The following ATXN7 variants were observed in gnomAD, a reference collection of about 807,000 sequenced individuals.
ATXN7 encodes the protein ataxin-7.
A neutral mutation model predicts 70.5 loss-of-function variants in ATXN7; 12 were observed. The observed-to-expected ratio is 0.17, with a 90% confidence interval of 0.11 to 0.28. The LOEUF (loss-of-function observed/expected upper bound fraction) is 0.28, where lower values mean the gene tolerates loss of function less well. Ranked by LOEUF, ATXN7 falls within the 10% of genes least tolerant of loss-of-function variation. The probability of loss-of-function intolerance (pLI) is 1.00; values close to 1 mark genes in which losing one functional copy is unlikely to be tolerated. For synonymous variants in ATXN7, 498 were observed against 448.7 expected (o/e 1.11, Z -1.39); for missense variants, 1,256 against 1,131.7 (o/e 1.11, Z -1.58).
chr3:63,904,451 C>G (rs1373660364), intron 2 of ATXN7: 1 of 152,106 alleles, frequency 6.6e-6, no homozygotes, highest in Non-Finnish European at 1.5e-5. Context: ...CACCACCATG[C>G]CCAGCTAATT....
At chr3:63,988,415 CAT>C in intron 9 of ATXN7, 91 bp downstream of exon 9, 1 of 1,496,614 alleles carries the variant, frequency 6.7e-7, no homozygotes. Flanking sequence ...TGTTGAGAAA[CAT>C]ATCTCAGGCT....
intron 5 of ATXN7, among the ~76,000 whole-genome samples, chr3:63,962,842 A>T (rs980216579): frequency 1.3e-5 from 2 of 152,044 alleles, no homozygotes; most frequent in East Asian, 3.9e-4. Context: ...TGCTTAGCCA[A>T]ACAAATTAAG....
intron 1 of ATXN7, among the ~76,000 whole-genome samples, chr3:63,892,488 CA>C (rs1703305572): frequency 6.7e-5 from 10 of 149,994 alleles, no homozygotes; most frequent in African/African-American, 1.8e-4. Flanking sequence ...CACACACACA[CA>C]CACACCCACA....
Position 63,996,474 on chromosome 3 carries a change from C to G in ATXN7, c.2652C>G (p.Leu884=). 3 of 1,614,084 alleles carry G rather than the reference C, an allele frequency of 1.9e-6. No homozygotes were observed. The highest frequency in any genetic ancestry group is 1.7e-6 in the Non-Finnish European group (2 of 1,179,938). Residue 884 remains leucine, a synonymous_variant, in exon 12 of 13, where the codon CTC becomes CTG. Transcript: ENST00000674280. The part of the protein sequence containing the change: ...PGAQGLMNSS[L]LHQPKARP ...CACAAGGACTGATGAACAGTTCCCT[C>G]CTTCATCAGGTAGGAAATGGACTGT...
intron 5 of ATXN7, among the ~76,000 whole-genome samples, chr3:63,961,114 G>T (rs2075121989): frequency 6.6e-6 from 1 of 152,068 alleles, no homozygotes; most frequent in African/African-American, 2.4e-5. Flanking sequence ...CTTTTCAGGG[G>T]TACAGTTTGA....
intron 2 of ATXN7, chr3:63,904,614 A>G (rs1443367685): frequency 6.6e-6 from 1 of 152,266 alleles, no homozygotes; most frequent in African/African-American, 2.4e-5. Context: ...GTAGAGATAT[A>G]TCACAATTTG....
chr3:63,991,005 T>A, intron 11 of ATXN7, 146 bp downstream of exon 11: 1 of 1,182,944 alleles, frequency 8.5e-7, no homozygotes, highest in Non-Finnish European at 1.2e-6. Context: ...TTGTCATTCA[T>A]TCATTCATTT....
chr3:63,874,407 A>C (rs1189286446), intron 1 of ATXN7, among the ~76,000 whole-genome samples: 3 of 152,240 alleles, frequency 2.0e-5, no homozygotes, highest in African/African-American at 7.2e-5. Context: ...GGCAACTTAC[A>C]TTTATTTGGC....
rs558258133 is a variant in ATXN7 at position 63,960,523 on chromosome 3, A to G, written c.499+8040A>G. Among the ~76,000 whole-genome samples, 4 of 152,300 alleles carry G rather than the reference A, an allele frequency of 2.6e-5. No individual in the cohort carries two copies. In the East Asian group the frequency reaches 7.7e-4, roughly 29 times the overall value. Reference sequence around the variant, plus strand: ...AGGTGAGAGCTGGATCAGGAGAGAAAGCTTAGATTAGGATTGTAGCAGCAG... The same window carrying G: ...AGGTGAGAGCTGGATCAGGAGAGAAGGCTTAGATTAGGATTGTAGCAGCAG... On this transcript the variant is annotated intron_variant, in intron 5 of 12. Transcript: ENST00000674280.
intron 12 of ATXN7, among the ~76,000 whole-genome samples, chr3:63,997,426 GCATATGAACC>G (rs1257210128): frequency 6.6e-6 from 1 of 152,186 alleles, no homozygotes; most frequent in Non-Finnish European, 1.5e-5. Flanking sequence ...AAAGAAGTCT[GCATATGAACC>G]CATCAGTAGA....
chr3:63,996,418 C>G lies in ATXN7; in HGVS notation c.2596C>G (p.His866Asp). Residue 866 changes from histidine (H) to aspartate (D), a missense_variant, in exon 12 of 13, where the codon CAC becomes GAC. Transcript: ENST00000674280. Reference protein sequence around the residue: ...VAKVPAVNNVHMKHTGTIPGA... With the variant: ...VAKVPAVNNVDMKHTGTIPGA... ...CAAAGTGCCAGCCGTGAACAATGTC[C>G]ACATGAAACACACAGGCACCATCCC... The G allele has an allele frequency of 6.2e-7, 1 of 1,614,140 alleles. No individual in the cohort carries two copies. Among genetic ancestry groups the G allele is most frequent in the Non-Finnish European group, 8.5e-7 (1 of 1,180,020 alleles).
chr3:63,917,155 A>G (rs1704306892), intron 4 of ATXN7, among the ~76,000 whole-genome samples: 1 of 152,060 alleles, frequency 6.6e-6, no homozygotes, highest in South Asian at 2.1e-4. Flanking sequence ...CCTGACCAGA[A>G]GTGATCCACC....
chr3:63,937,312 T>A (rs2074680236), intron 4 of ATXN7, among the ~76,000 whole-genome samples: 1 of 152,236 alleles, frequency 6.6e-6, no homozygotes, highest in African/African-American at 2.4e-5. Flanking sequence ...CATAAAGTTC[T>A]TTTTTCTTCT....
Position 63,996,139 on chromosome 3 carries a change from G to C in ATXN7, c.2317G>C (p.Asp773His), listed in dbSNP as rs1315071400. 23 of 1,614,178 alleles carry C rather than the reference G, an allele frequency of 1.4e-5. No homozygotes were observed. Among genetic ancestry groups the C allele is most frequent in the Non-Finnish European group, 1.9e-5 (23 of 1,180,032 alleles). Residue 773 changes from aspartate (D) to histidine (H), a missense_variant, in exon 12 of 13, where the codon GAC becomes CAC. Physicochemically the swap from Asp to His is moderately conservative, Grantham distance 81 (BLOSUM62 -1). Transcript: ENST00000674280. ...NKANAVNVRHDQSGRGPPTGS... is the reference protein window; with the variant it reads ...NKANAVNVRHHQSGRGPPTGS... The stretch of plus-strand genomic sequence containing the variant: ...AGCAAATGCGGTGAACGTCCGGCAT[G>C]ACCAGTCAGGGAGGGGCCCCCCCAC...
At chr3:63,997,342 T>G (rs1325621045) in intron 12 of ATXN7, among the ~76,000 whole-genome samples, 1 of 152,228 alleles carries the variant, frequency 6.6e-6, no homozygotes, top group African/African-American at 2.4e-5. Context: ...TTCCCGTTTT[T>G]GAGGGAGGCA....
chr3:63,955,314 G>A (rs1335675257), intron 5 of ATXN7, among the ~76,000 whole-genome samples: 1 of 152,170 alleles, frequency 6.6e-6, no homozygotes, highest in Non-Finnish European at 1.5e-5. Context: ...CTCTGAGAGA[G>A]GGATTCTGCT....
chr3:63,925,392 G>A (rs1450045573), intron 4 of ATXN7, among the ~76,000 whole-genome samples: 2 of 152,156 alleles, frequency 1.3e-5, no homozygotes, highest in Non-Finnish European at 2.9e-5. Flanking sequence ...GGGGGTGGGG[G>A]ACTGAGCATT....
At chr3:63,991,912 A>C (rs184011660) in intron 11 of ATXN7, among the ~76,000 whole-genome samples, 1 of 152,184 alleles carries the variant, frequency 6.6e-6, no homozygotes, top group Non-Finnish European at 1.5e-5. Context: ...AGGGAATGTC[A>C]CGTCATGTAT....
chr3:63,917,477 T>G (rs1030008914), intron 4 of ATXN7, among the ~76,000 whole-genome samples: 3 of 152,208 alleles, frequency 2.0e-5, no homozygotes, highest in African/African-American at 7.2e-5. Context: ...TTTAAATGCC[T>G]TAGTTGCACA....
Sources: allele counts gnomAD v4.1 joint callset (sites outside exome capture counted in the v4.1 genomes callset), GRCh38; gene constraint gnomAD v4.1.1; transcripts MANE v1.5; gene names NCBI Gene and HGNC (gene_info 2026-07-23, HGNC 2026-07-21).